FKBP14: variants seen among roughly 807,000 people sequenced by gnomAD.
The protein encoded by FKBP14 is peptidyl-prolyl cis-trans isomerase FKBP14.
A neutral mutation model predicts 21.6 loss-of-function variants in FKBP14; 20 were observed. The observed-to-expected ratio is 0.92, with a 90% CI of 0.65 to 1.34. The LOEUF (loss-of-function observed/expected upper bound fraction) is 1.34. FKBP14 is among the 40% of genes most tolerant of loss of function. FKBP14 has a pLI of 0.00. For missense variants in FKBP14, 253 were observed against 249.0 expected (o/e 1.02, Z -0.11); for synonymous variants, 79 against 86.7 (o/e 0.91, Z 0.49).
intron 3 of FKBP14, among the ~76,000 whole-genome samples, chr7:30,015,277 G>C (rs1200789262): frequency 2.0e-5 from 3 of 151,942 alleles, no homozygotes; most frequent in Admixed American, 6.6e-5. Flanking sequence ...AGTTAGCCAG[G>C]CATGATGGCA....
At position 30,019,116 on chromosome 7, in the gene FKBP14, A is replaced by C. The variant is rs202182643; in HGVS notation, c.357T>G (p.Ile119Met). Residue 119 changes from isoleucine to methionine, a missense_variant, in exon 3 of 4, where the codon ATT becomes ATG. Coordinates refer to ENST00000222803, the MANE Select transcript of FKBP14 (RefSeq NM_017946.4). ...LGYGKEGKGK[I>M]PPESTLIFNI... Reference sequence around the variant, plus strand: ...TAAATATCAGTGTACTTTCTGGGGGAATTTTACCTGACGTGAGGAAAGAAG... The same window carrying C: ...TAAATATCAGTGTACTTTCTGGGGGCATTTTACCTGACGTGAGGAAAGAAG... 3.4e-5 allele frequency: 53 copies of C among 1,570,308 alleles called. No homozygotes were observed. In the Middle Eastern group the frequency reaches 8.4e-4, roughly 25 times the overall value.
At chr7:30,019,176 A>C in intron 2 of FKBP14, 53 bp from the exon 3 acceptor site, 1 of 1,537,152 alleles carries the variant, frequency 6.5e-7, no homozygotes, top group Non-Finnish European at 8.7e-7. Context: ...AGTTTTAATA[A>C]TAGAAAATTT....
In FKBP14 at chr7:30,026,361, C is replaced by T; in HGVS notation, c.148G>A (p.Val50Ile). 1 of 1,614,030 alleles carries T rather than the reference C, an allele frequency of 6.2e-7. No individual in the cohort carries two copies. The highest frequency in any genetic ancestry group is 1.1e-5 in the South Asian group (1 of 91,064). ...TTTTCTAAGTAGCCTTCATAGTGGA[C>T]CAACATCAAATCCCCTCCTTTGGTC... ...RKTKGGDLML[V>I]HYEGYLEKDG... Residue 50 changes from valine to isoleucine, a missense_variant, in exon 1 of 4, where the codon GTC becomes ATC. Val to Ile is a conservative substitution (Grantham distance 29, BLOSUM62 3). Coordinates refer to ENST00000222803, the MANE Select transcript of FKBP14 (RefSeq NM_017946.4).
intron 3 of FKBP14, among the ~76,000 whole-genome samples, chr7:30,015,620 C>A (rs1789862204): frequency 6.7e-6 from 1 of 148,290 alleles, no homozygotes; most frequent in South Asian, 2.1e-4. Flanking sequence ...TTTTTTTAGA[C>A]AGAATCTTTT....
chr7:30,006,119 T>C (rs981442513), downstream of FKBP14, among the ~76,000 whole-genome samples: 2 of 94,398 alleles, frequency 2.1e-5, no homozygotes, highest in South Asian at 3.0e-4. Context: ...GGATAGTCTT[T>C]TTTTTTTTTT....
chr7:30,017,017 A>C (rs1377690062), intron 3 of FKBP14, among the ~76,000 whole-genome samples: 1 of 152,194 alleles, frequency 6.6e-6, no homozygotes, highest in Admixed American at 6.5e-5. Flanking sequence ...AAAACGACAA[A>C]ACAGCATGTA....
chr7:30,009,614 A>G (rs1299307474), downstream of FKBP14, among the ~76,000 whole-genome samples: 1 of 152,094 alleles, frequency 6.6e-6, no homozygotes, highest in Non-Finnish European at 1.5e-5. Flanking sequence ...TCCTCTTGCA[A>G]TTTCCAAACA....
At chr7:30,009,696 A>G (rs1789678401), downstream of FKBP14, among the ~76,000 whole-genome samples, 1 of 152,064 alleles carries the variant, frequency 6.6e-6, no homozygotes, top group African/African-American at 2.4e-5. Flanking sequence ...AGCATTAGAA[A>G]TATAAGCAAT....
chr7:30,015,719 G>A (rs56371923), intron 3 of FKBP14, among the ~76,000 whole-genome samples: 36 of 139,548 alleles, frequency 2.6e-4, no homozygotes, highest in East Asian at 1.9e-3. Flanking sequence ...TCCGCCTCCC[G>A]GGTTCACGCC....
Position 30,026,299 on chromosome 7 carries a change from C to T in FKBP14, c.197+13G>A, listed in dbSNP as rs779334107. ...CTTAATTACTATTTTACCTGCGGGG[C>T]ATAATTACTTACGTGGAGTGAAATA... On this transcript the variant is annotated intron_variant, in intron 1 of 3. Transcript: ENST00000222803. 7 of 1,589,598 alleles carry T rather than the reference C, an allele frequency of 4.4e-6. No homozygotes were observed. The highest frequency in any genetic ancestry group is 6.0e-6 in the Non-Finnish European group (7 of 1,164,976).
At chr7:30,010,356 T>A (rs191688903), downstream of FKBP14, among the ~76,000 whole-genome samples, 3 of 152,344 alleles carry the variant, frequency 2.0e-5, no homozygotes, top group Admixed American at 2.0e-4. Flanking sequence ...ACTATCATGC[T>A]AAAGGTCAAG....
rs1790056277 is a variant in FKBP14 at position 30,022,469 on chromosome 7, G to A, written c.349+196C>T. 5 of 481,148 alleles carry A rather than the reference G, an allele frequency of 1.0e-5. No homozygotes were observed. In the Middle Eastern group the frequency reaches 1.6e-3, roughly 157 times the overall value. The allele number at this position is 481,148 out of a possible 1,614,324, so 29.8% of individuals were successfully genotyped here. ...ATGTTCTTTTTTTATTGTTAGCATA[G>A]TTGCCCATTTAGACATTACGGCCTT... is the stretch of plus-strand genomic sequence containing the variant. On this transcript the variant is annotated intron_variant, in intron 2 of 3. Transcript: ENST00000222803.
At chr7:30,023,631 G>A in intron 1 of FKBP14, among the ~76,000 whole-genome samples, 1 of 152,180 alleles carries the variant, frequency 6.6e-6, no homozygotes, top group Non-Finnish European at 1.5e-5. Context: ...TCAAGACTGG[G>A]TAACTTATAA....
intron 2 of FKBP14, among the ~76,000 whole-genome samples, chr7:30,021,051 G>A (rs1449966600): frequency 6.6e-6 from 1 of 152,138 alleles, no homozygotes; most frequent in Non-Finnish European, 1.5e-5. Context: ...ATGCTATGAA[G>A]TCTATATTTA....
chr7:30,021,708 A>C (rs1433357764), intron 2 of FKBP14, among the ~76,000 whole-genome samples: 1 of 152,048 alleles, frequency 6.6e-6, no homozygotes, highest in Non-Finnish European at 1.5e-5. Context: ...GGTGCACTCC[A>C]CTACGTTCAG....
At chr7:30,006,935 A>G (rs964216327), downstream of FKBP14, among the ~76,000 whole-genome samples, 3 of 152,194 alleles carry the variant, frequency 2.0e-5, no homozygotes, top group Non-Finnish European at 4.4e-5. Context: ...AATTTGTATT[A>G]TGTATCCAAA....
At chr7:30,022,213 C>T (rs554520523) in intron 2 of FKBP14, among the ~76,000 whole-genome samples, 8 of 152,304 alleles carry the variant, frequency 5.3e-5, no homozygotes, top group African/African-American at 1.9e-4. Context: ...CATCCAAACA[C>T]TTACGTTAAT....
intron 3 of FKBP14, 52 bp downstream of exon 3, chr7:30,018,944 C>T: frequency 6.3e-7 from 1 of 1,578,874 alleles, no homozygotes; most frequent in Non-Finnish European, 8.6e-7. Flanking sequence ...AAAACAAAAC[C>T]CCAAACAACC....
intron 3 of FKBP14, among the ~76,000 whole-genome samples, chr7:30,015,726 C>T (rs56037628): frequency 1.4e-5 from 2 of 146,552 alleles, no homozygotes; most frequent in South Asian, 2.2e-4. Flanking sequence ...CCCGGGTTCA[C>T]GCCATTCTCC....
Sources: gnomAD v4.1 joint callset for allele counts (sites outside exome capture counted in the v4.1 genomes callset) on GRCh38, gnomAD v4.1.1 for gene constraint, MANE v1.5 for transcripts, NCBI Gene and HGNC (gene_info 2026-07-23, HGNC 2026-07-21) for gene names.